Variants in GALNT15 observed in about 807,000 individuals in gnomAD.
The protein encoded by GALNT15 is polypeptide N-acetylgalactosaminyltransferase 15, also known as UDP-GalNAc transferase T15.
GALNT15 carries 67 observed loss-of-function variants against 66.8 expected under a neutral mutation model. The observed-to-expected ratio is 1.00, with a 90% CI of 0.82 to 1.23. The LOEUF is 1.23. GALNT15 is among the 50% of genes most tolerant of loss of function. GALNT15 has a pLI of 0.00. For synonymous variants in GALNT15, 313 were observed against 311.5 expected, an observed-to-expected ratio of 1.00 and a Z score of -0.05; for missense variants, 827 against 804.3, an observed-to-expected ratio of 1.03 and a Z score of -0.34.
downstream of GALNT15, among the ~76,000 whole-genome samples, chr3:16,233,094 C>CTTTTTTTTTTTTTTCTTTTTTTTT (rs2064099893): frequency 1.6e-5 from 1 of 61,208 alleles, no homozygotes; most frequent in African/African-American, 6.6e-5. Flanking sequence ...GATAATGCAT[C>CTTTTTTTTTTTTTTCTTTTTTTTT]TTTTTTTTTT....
In GALNT15 at chr3:16,200,615, C is replaced by T; in HGVS notation, c.707-4C>T. On this transcript the variant is annotated splice_region_variant and splice_polypyrimidine_tract_variant and intron_variant, in intron 2 of 9. Coordinates refer to ENST00000339732, the MANE Select transcript of GALNT15 (RefSeq NM_054110.5). The surrounding 1 kb of genome is among the most constrained non-coding windows in gnomAD (Gnocchi z 4.4). ...TCCACTGACCACAACCCTGTTGATTCCAGGACAACTCAAGTCTGCTCTCAG... is the reference window on the plus strand; with the variant it reads ...TCCACTGACCACAACCCTGTTGATTTCAGGACAACTCAAGTCTGCTCTCAG... 2 of 1,528,074 alleles carry T rather than the reference C, an allele frequency of 1.3e-6. No individual in the cohort carries two copies. Among genetic ancestry groups the T allele is most frequent in the East Asian group, 2.4e-5 (1 of 42,124 alleles). The allele number at this position is 1,528,074 out of a possible 1,614,324, so 94.7% of individuals were successfully genotyped here.
Position 16,224,494 on chromosome 3 carries a change from CCA to C in GALNT15, c.1773+1737_1773+1738del, listed in dbSNP as rs1195830882. 6.6e-6 allele frequency among the ~76,000 whole-genome samples: 1 copy of C among 151,976 alleles called. No homozygotes were observed. The highest frequency in any genetic ancestry group is 1.5e-5 in the Non-Finnish European group (1 of 68,002). On this transcript the variant is annotated intron_variant, in intron 9 of 9. Transcript: ENST00000339732. This position sits in a 1 kb window ranked among gnomAD's most constrained non-coding sequence, Gnocchi z 5.2. Reference sequence around the variant, plus strand: ...GAAACAGAAAGTAAAATAGTGGTTACCAGAGGCAGGCAGAGGAGGAGAAAAAG... The same window carrying C: ...GAAACAGAAAGTAAAATAGTGGTTACGAGGCAGGCAGAGGAGGAGAAAAAG...
rs1286149741 is a variant in GALNT15 at position 16,195,821 on chromosome 3, G to C, written c.601G>C (p.Asp201His). ...AGCCAGCGTCATCCTCTGTTTCCATGATGAGGCCTGGTCCACTCTCCTGCG... is the reference window on the plus strand; with the variant it reads ...AGCCAGCGTCATCCTCTGTTTCCATCATGAGGCCTGGTCCACTCTCCTGCG... ...PTASVILCFH[D>H]EAWSTLLRTV... Residue 201 changes from aspartate (D) to histidine (H), a missense_variant, in exon 2 of 10, where the codon GAT becomes CAT. Transcript: ENST00000339732. The surrounding 1 kb of genome is among the most constrained non-coding windows in gnomAD (Gnocchi z 4.6). The C allele has an allele frequency of 2.5e-6, 4 of 1,613,990 alleles. No individual in the cohort carries two copies. The South Asian group carries it at 3.3e-5, about 13-fold the overall frequency.
chr3:16,237,165 T>C, the GALNT15 span, among the ~76,000 whole-genome samples: 1 of 152,344 alleles, frequency 6.6e-6, no homozygotes, highest in Admixed American at 6.5e-5. The surrounding 1 kb of genome is among the most constrained non-coding windows in gnomAD (Gnocchi z 4.2). Context: ...TGGCGTTCAA[T>C]TTAGCCAGAC....
chr3:16,234,458 A>T (rs2064113988), downstream of GALNT15, among the ~76,000 whole-genome samples: 1 of 152,120 alleles, frequency 6.6e-6, no homozygotes, highest in Non-Finnish European at 1.5e-5. Context: ...TAAATACCTC[A>T]GCTCCCTCAC....
the GALNT15 span, chr3:16,243,919 GA>G: frequency 1.3e-6 from 1 of 772,784 alleles, no homozygotes; most frequent in African/African-American, 1.9e-5. Flanking sequence ...GACCTTGTCT[GA>G]TGTCGTGTTC....
At chr3:16,243,718 A>G in the GALNT15 span, among the ~76,000 whole-genome samples, 1 of 152,214 alleles carries the variant, frequency 6.6e-6, no homozygotes, top group African/African-American at 2.4e-5. Flanking sequence ...AACTGGGACA[A>G]TTTTATAAAC....
In GALNT15 at chr3:16,181,148, T is replaced by A. The variant is rs2063466462; in HGVS notation, c.539+5458T>A. ...GCTGTGGATATCATATTGCTGTCCTTTTTCTGACTGAAAAGTTATTTTCTG... is the reference window on the plus strand; with the variant it reads ...GCTGTGGATATCATATTGCTGTCCTATTTCTGACTGAAAAGTTATTTTCTG... On this transcript the variant is annotated intron_variant, in intron 1 of 9. Transcript: ENST00000339732. This position sits in a 1 kb window ranked among gnomAD's most constrained non-coding sequence, Gnocchi z 5.9. 6.6e-6 allele frequency among the ~76,000 whole-genome samples: 1 copy of A among 152,190 alleles called. No individual in the cohort carries two copies. The highest frequency in any genetic ancestry group is 1.5e-5 in the Non-Finnish European group (1 of 68,036).
Position 16,210,027 on chromosome 3 carries a change from T to C in GALNT15, c.1080-1097T>C, listed in dbSNP as rs554535698. 2.6e-5 allele frequency among the ~76,000 whole-genome samples: 4 copies of C among 152,318 alleles called. No individual in the cohort carries two copies. In the South Asian group the frequency reaches 8.3e-4, roughly 32 times the overall value. On this transcript the variant is annotated intron_variant, in intron 4 of 9. Transcript: ENST00000339732. ...TGTGGTATACGATGTATGTCCCTCTTTAAAGTCCAAAAAATTCTGCATTAA... is the reference window on the plus strand; with the variant it reads ...TGTGGTATACGATGTATGTCCCTCTCTAAAGTCCAAAAAATTCTGCATTAA...
At position 16,209,014 on chromosome 3, in the gene GALNT15, T is replaced by C. The variant is rs2063785769; in HGVS notation, c.1079+344T>C. On this transcript the variant is annotated intron_variant, in intron 4 of 9. Transcript: ENST00000339732. The surrounding 1 kb of genome is among the most constrained non-coding windows in gnomAD (Gnocchi z 4.1). ...TGCCCCAGTGTGTGGCAACCTGAGA[T>C]GGAATCTTGGCCCAGCTCTCTCATC... 6.6e-6 allele frequency among the ~76,000 whole-genome samples: 1 copy of C among 152,208 alleles called. No individual in the cohort carries two copies. The highest frequency in any genetic ancestry group is 1.9e-4 in the East Asian group (1 of 5,198).
At position 16,195,809 on chromosome 3, in the gene GALNT15, C is replaced by T. The variant is rs1259857725; in HGVS notation, c.589C>T (p.Leu197Phe). 1 of 1,613,830 alleles carries T rather than the reference C, an allele frequency of 6.2e-7. No individual in the cohort carries two copies. The highest frequency in any genetic ancestry group is 2.2e-5 in the East Asian group (1 of 44,888). The part of the protein sequence containing the change: ...QDSLPTASVI[L>F]CFHDEAWSTL... ...CAGCCTGCCCACAGCCAGCGTCATCCTCTGTTTCCATGATGAGGCCTGGTC... is the reference window on the plus strand; with the variant it reads ...CAGCCTGCCCACAGCCAGCGTCATCTTCTGTTTCCATGATGAGGCCTGGTC... The change falls in exon 2 of 10, where the codon CTC (leucine) becomes TTC (phenylalanine). Residue 197 changes from leucine (L) to phenylalanine (F), a missense_variant. By Grantham distance (22) the Leu-to-Phe change is conservative. Coordinates refer to ENST00000339732, the MANE Select transcript of GALNT15 (RefSeq NM_054110.5). This position sits in a 1 kb window ranked among gnomAD's most constrained non-coding sequence, Gnocchi z 4.6.
Position 16,189,428 on chromosome 3 carries a change from G to C in GALNT15, c.540-6332G>C, listed in dbSNP as rs1461039406. 6.6e-6 allele frequency among the ~76,000 whole-genome samples: 1 copy of C among 152,326 alleles called. No homozygotes were observed. Among genetic ancestry groups the C allele is most frequent in the Non-Finnish European group, 1.5e-5 (1 of 68,028 alleles). ...GCATGAGAATATCCTACAAATATCAGTGATTGTTATTCCCAGAATACCAGC... is the reference window on the plus strand; with the variant it reads ...GCATGAGAATATCCTACAAATATCACTGATTGTTATTCCCAGAATACCAGC... On this transcript the variant is annotated intron_variant, in intron 1 of 9. Coordinates refer to ENST00000339732, the MANE Select transcript of GALNT15 (RefSeq NM_054110.5). The surrounding 1 kb of genome is among the most constrained non-coding windows in gnomAD (Gnocchi z 5.1).
At chr3:16,233,092 A>ATTTTTTTTTTTT (rs771943641), downstream of GALNT15, among the ~76,000 whole-genome samples, 1 of 48,074 alleles carries the variant, frequency 2.1e-5, no homozygotes, top group Non-Finnish European at 4.2e-5. Flanking sequence ...AGGATAATGC[A>ATTTTTTTTTTTT]TCTTTTTTTT....
At chr3:16,215,931 G>GGAAGAA (rs765375256) in intron 6 of GALNT15, among the ~76,000 whole-genome samples, 3 of 134,622 alleles carry the variant, frequency 2.2e-5, no homozygotes, top group African/African-American at 5.6e-5. Flanking sequence ...AAAAAGAAGA[G>GGAAGAA]GAAGAAGAAG....
chr3:16,180,486 A>G lies in GALNT15; in HGVS notation c.539+4796A>G, dbSNP rs1218351133. ...AGTTACACCACGACTTCCCAAAAGT[A>G]TGTGCACACCCAACCCCCCTATATT... On this transcript the variant is annotated intron_variant, in intron 1 of 9. Transcript: ENST00000339732. The surrounding 1 kb of genome is among the most constrained non-coding windows in gnomAD (Gnocchi z 5.0). 2.6e-5 allele frequency among the ~76,000 whole-genome samples: 4 copies of G among 152,192 alleles called. No homozygotes were observed. Among genetic ancestry groups the G allele is most frequent in the African/African-American group, 9.7e-5 (4 of 41,440 alleles).
rs1218182765 is a variant in GALNT15 at position 16,229,428 on chromosome 3, G to A, written c.*1928G>A. ...TAGGGTCTACTTCTACTGTATTGGCGAGCATGGATATAGAACATTTCATCA... is the reference window on the plus strand; with the variant it reads ...TAGGGTCTACTTCTACTGTATTGGCAAGCATGGATATAGAACATTTCATCA... On this transcript the variant is annotated 3_prime_UTR_variant, in exon 10 of 10. Transcript: ENST00000339732. The A allele has an allele frequency of 1.4e-5, 13 of 924,494 alleles. No individual in the cohort carries two copies. The highest frequency in any genetic ancestry group is 5.0e-5 in the South Asian group (1 of 20,042). The allele number at this position is 924,494 out of a possible 1,614,324, so 57.3% of individuals were successfully genotyped here. A position where few individuals can be genotyped will look rare whatever the true frequency, so the allele number is the denominator to read the frequency against.
chr3:16,196,816 A>G (rs1045136301), intron 2 of GALNT15, among the ~76,000 whole-genome samples: 3 of 152,102 alleles, frequency 2.0e-5, no homozygotes, highest in Non-Finnish European at 4.4e-5. Context: ...ACCTAGGGAC[A>G]CCCCTCCTGG....
At chr3:16,212,177 A>G (rs1574989660) in intron 5 of GALNT15, among the ~76,000 whole-genome samples, 1 of 152,160 alleles carries the variant, frequency 6.6e-6, no homozygotes, top group East Asian at 1.9e-4. Flanking sequence ...AGCACACTTC[A>G]CAAGCTTTGA....
Position 16,208,592 on chromosome 3 carries a change from A to T in GALNT15, c.1001A>T (p.Asp334Val), listed in dbSNP as rs1257724600. The T allele has an allele frequency of 6.2e-7, 1 of 1,614,026 alleles. No homozygotes were observed. Among genetic ancestry groups the T allele is most frequent in the East Asian group, 2.2e-5 (1 of 44,874 alleles). ...PSKDLQRGVL[D>V]WKLDFHWEPL... is the part of the protein sequence containing the mutation. ...AAGGACCTGCAGCGTGGGGTGTTGG[A>T]CTGGAAGCTGGATTTCCACTGGGAA... The change falls in exon 4 of 10, where the codon GAC becomes GTC. Residue 334 changes from aspartate to valine, a missense_variant. Physicochemically the swap from Asp to Val is radical, Grantham distance 152 (BLOSUM62 -3). Coordinates refer to ENST00000339732, the MANE Select transcript of GALNT15 (RefSeq NM_054110.5).
Sources: allele counts gnomAD v4.1 joint callset (sites outside exome capture counted in the v4.1 genomes callset), GRCh38; gene constraint gnomAD v4.1.1; non-coding constraint Gnocchi (gnomAD v3.1); transcripts MANE v1.5; gene names NCBI Gene and HGNC (gene_info 2026-07-23, HGNC 2026-07-21).